Variants in RAB10 observed in about 807,000 individuals in gnomAD.
RAB10 encodes the protein RAB10, member RAS oncogene family, also known as ras-related protein Rab-10.
A neutral mutation model predicts 25.7 loss-of-function variants in RAB10; 5 were observed. The ratio of observed to expected loss-of-function variants is 0.19; its 90% CI spans 0.10 to 0.41. The LOEUF (loss-of-function observed/expected upper bound fraction) is 0.41, where lower values mean the gene tolerates loss of function less well. Among genes scored for constraint, RAB10 ranks in the 10% least tolerant of loss-of-function variants. The pLI is 1.00. For synonymous variants in RAB10, 89 were observed against 86.4 expected, an observed-to-expected ratio of 1.03 and a Z score of -0.16; for missense variants, 103 against 245.8, an observed-to-expected ratio of 0.42 and a Z score of 3.89.
At chr2:26,087,292 CT>C (rs1667007854) in intron 1 of RAB10, among the ~76,000 whole-genome samples, 1 of 152,098 alleles carries the variant, frequency 6.6e-6, no homozygotes, top group African/African-American at 2.4e-5. Flanking sequence ...TATTGGTACT[CT>C]CAGGATTTTT....
intron 1 of RAB10, among the ~76,000 whole-genome samples, chr2:26,078,343 G>C (rs1370491936): frequency 6.6e-6 from 1 of 152,180 alleles, no homozygotes; most frequent in Non-Finnish European, 1.5e-5. Flanking sequence ...TGGAAATACA[G>C]AGGACCCTGT....
intron 1 of RAB10, among the ~76,000 whole-genome samples, chr2:26,078,593 A>G (rs1012905434): frequency 6.6e-6 from 1 of 152,124 alleles, no homozygotes; most frequent in Admixed American, 6.6e-5. Flanking sequence ...GATACATGTA[A>G]TTGGAGTCTA....
At chr2:26,043,855 C>T (rs988183724) in intron 1 of RAB10, among the ~76,000 whole-genome samples, 4 of 152,068 alleles carry the variant, frequency 2.6e-5, no homozygotes, top group South Asian at 2.1e-4. Context: ...AATTTAATGC[C>T]AATGAATTGT....
chr2:26,092,933 A>G lies in RAB10; in HGVS notation c.128-5729A>G, dbSNP rs577650657. ...TGACCCTTTTTTCTTTTGATTGTGTATGAGAAACATAATGGGGCAAGCTGA... is the reference window on the plus strand; with the variant it reads ...TGACCCTTTTTTCTTTTGATTGTGTGTGAGAAACATAATGGGGCAAGCTGA... On this transcript the variant is annotated intron_variant, in intron 1 of 5. Coordinates refer to ENST00000264710, the MANE Select transcript of RAB10 (RefSeq NM_016131.5). Among the ~76,000 whole-genome samples the G allele has an allele frequency of 1.2e-3, 190 of 152,226 alleles. 1 individual carries two copies. The highest frequency in any genetic ancestry group is 4.4e-3 in the South Asian group (21 of 4,810).
chr2:26,076,923 G>C (rs535154913), intron 1 of RAB10, among the ~76,000 whole-genome samples: 5 of 146,890 alleles, frequency 3.4e-5, no homozygotes, highest in African/African-American at 1.3e-4. Flanking sequence ...CAGCCTGGGG[G>C]ACAAGAGCGA....
chr2:26,128,737 GAAAAT>G (rs1000571388), intron 5 of RAB10, among the ~76,000 whole-genome samples: 1 of 152,126 alleles, frequency 6.6e-6, no homozygotes, highest in Non-Finnish European at 1.5e-5. Context: ...TATTATGTAA[GAAAAT>G]AAATAATGCT....
At chr2:26,116,852 G>A (rs187714855) in intron 3 of RAB10, among the ~76,000 whole-genome samples, 151 of 151,534 alleles carry the variant, frequency 1.0e-3, no homozygotes, top group African/African-American at 3.4e-3. Flanking sequence ...CACCACGCCC[G>A]GCCTTTTTTT....
At chr2:26,100,980 G>A (rs890116425) in intron 2 of RAB10, among the ~76,000 whole-genome samples, 5 of 152,072 alleles carry the variant, frequency 3.3e-5, no homozygotes, top group Non-Finnish European at 5.9e-5. Context: ...AGGGTAAAGT[G>A]TTGGAGAATG....
At chr2:26,130,618 AT>A (rs996569347) in intron 5 of RAB10, among the ~76,000 whole-genome samples, 2 of 151,794 alleles carry the variant, frequency 1.3e-5, no homozygotes, top group Non-Finnish European at 2.9e-5. Flanking sequence ...TAATTTTCAG[AT>A]TTTTTGGTAG....
chr2:26,129,135 T>G (rs1296911045), intron 5 of RAB10, among the ~76,000 whole-genome samples: 1 of 152,026 alleles, frequency 6.6e-6, no homozygotes, highest in Non-Finnish European at 1.5e-5. Context: ...CTGGGTGTGG[T>G]GGCACGTGCC....
Position 26,119,139 on chromosome 2 carries a change from G to T in RAB10, c.328-8005G>T, listed in dbSNP as rs994514448. 1.2e-4 allele frequency among the ~76,000 whole-genome samples: 19 copies of T among 152,278 alleles called. No individual in the cohort carries two copies. The East Asian group carries it at 1.4e-3, about 11-fold the overall frequency. ...AGGATGTATAGGGCTGTGCACGGTG[G>T]CTCACACCTGTAATCCCAGCACTTT... On this transcript the variant is annotated intron_variant, in intron 3 of 5. Transcript: ENST00000264710.
intron 1 of RAB10, among the ~76,000 whole-genome samples, chr2:26,093,587 A>G (rs1030691520): frequency 2.6e-5 from 4 of 152,196 alleles, no homozygotes; most frequent in Admixed American, 6.5e-5. Context: ...TGTTTGTTCC[A>G]CAGGAGCAAA....
At chr2:26,035,194 T>C (rs952209470) in intron 1 of RAB10, among the ~76,000 whole-genome samples, 5 of 152,198 alleles carry the variant, frequency 3.3e-5, no homozygotes, top group Admixed American at 3.3e-4. Flanking sequence ...TGAGGGTTTC[T>C]GAGAAGAATA....
At chr2:26,039,067 T>C (rs1054808017) in intron 1 of RAB10, among the ~76,000 whole-genome samples, 6 of 144,932 alleles carry the variant, frequency 4.1e-5, no homozygotes, top group Non-Finnish European at 7.5e-5. Flanking sequence ...TTGCCTAGAC[T>C]GGAGTGCAGT....
At chr2:26,073,306 G>A (rs896033933) in intron 1 of RAB10, among the ~76,000 whole-genome samples, 2 of 152,184 alleles carry the variant, frequency 1.3e-5, no homozygotes, top group Non-Finnish European at 2.9e-5. Flanking sequence ...GTTTTGTCTG[G>A]ACTGGATCTC....
chr2:26,114,756 T>G (rs1485380784), intron 3 of RAB10, among the ~76,000 whole-genome samples: 2 of 134,038 alleles, frequency 1.5e-5, no homozygotes, highest in Non-Finnish European at 3.0e-5. Context: ...AAAAAAAAAA[T>G]TAGTCGGGTA....
intron 1 of RAB10, among the ~76,000 whole-genome samples, chr2:26,074,985 G>C (rs1052645384): frequency 6.6e-6 from 1 of 152,146 alleles, no homozygotes; most frequent in Admixed American, 6.5e-5. Flanking sequence ...ACTTTTGGGA[G>C]GGACAGAAAC....
At chr2:26,063,123 A>AG (rs1232762058) in intron 1 of RAB10, among the ~76,000 whole-genome samples, 1 of 151,720 alleles carries the variant, frequency 6.6e-6, no homozygotes, top group African/African-American at 2.4e-5. Flanking sequence ...CTCAAAAAAA[A>AG]AAAAAAGAAT....
chr2:26,112,091 G>A lies in RAB10; in HGVS notation c.327+2185G>A, dbSNP rs148923319. 3.4e-3 allele frequency among the ~76,000 whole-genome samples: 525 copies of A among 152,234 alleles called. 4 individuals are homozygous for A. The highest frequency in any genetic ancestry group is 8.8e-3 in the African/African-American group (364 of 41,536). On this transcript the variant is annotated intron_variant, in intron 3 of 5. Transcript: ENST00000264710. Reference sequence around the variant, plus strand: ...AAGAGAGGCATATGTGGGGAGTAGCGGCAGGGCTCCAGAGCTTCCATCCCC... The same window carrying A: ...AAGAGAGGCATATGTGGGGAGTAGCAGCAGGGCTCCAGAGCTTCCATCCCC...
Sources: allele counts gnomAD v4.1 joint callset (sites outside exome capture counted in the v4.1 genomes callset), GRCh38; gene constraint gnomAD v4.1.1; transcripts MANE v1.5; gene names NCBI Gene and HGNC (gene_info 2026-07-23, HGNC 2026-07-21).